PLEC: variants seen among roughly 807,000 people sequenced by gnomAD.
The protein encoded by PLEC is plectin.
Under a neutral mutation model 392.8 loss-of-function variants are expected in PLEC, and 216 were observed. That is an observed-to-expected ratio of 0.55 (90% CI 0.49 to 0.62). The LOEUF is 0.62. PLEC is among the 20% of genes least tolerant of loss of function. The probability of loss-of-function intolerance (pLI) is 0.00; values close to 1 mark genes in which losing one functional copy is unlikely to be tolerated. For missense variants in PLEC, 6,863 were observed against 6,563.4 expected (o/e 1.05, Z -1.58); for synonymous variants, 3,621 against 2,980.6 (o/e 1.21, Z -7.00).
chr8:143,933,487 C>G (rs553171087), intron 12 of PLEC, 136 bp from the exon 13 acceptor site: 2 of 1,025,968 alleles, frequency 1.9e-6, no homozygotes, highest in African/African-American at 1.6e-5. Flanking sequence ...CTTCCCCTTC[C>G]CTCCCTGCCC....
At chr8:143,939,111 T>A (rs1355101649) in intron 1 of PLEC, among the ~76,000 whole-genome samples, 1 of 152,064 alleles carries the variant, frequency 6.6e-6, no homozygotes, top group East Asian at 1.9e-4. Context: ...CAGCGAACCT[T>A]CCCCAGAGCG....
In PLEC at chr8:143,917,012, CAGG is replaced by C. The variant is rs1554670619; in HGVS notation, c.12806_12808del (p.Ser4269del). The C allele has an allele frequency of 3.1e-6, 5 of 1,612,620 alleles. No individual in the cohort carries two copies. The highest frequency in any genetic ancestry group is 2.2e-5 in the East Asian group (1 of 44,866). On this transcript the variant is annotated inframe_deletion, in exon 32 of 32. Coordinates refer to ENST00000345136, the MANE Select transcript of PLEC (RefSeq NM_201384.3). Reference sequence around the variant, plus strand: ...GCCCGTCTCCTCAGTGGGGTCTGACCAGGAGGCCAGCTGGGTCCTGGAGACGGC... The same window carrying C: ...GCCCGTCTCCTCAGTGGGGTCTGACCAGGCCAGCTGGGTCCTGGAGACGGC...
intron 1 of PLEC, among the ~76,000 whole-genome samples, chr8:143,949,694 T>C (rs1378627971): frequency 6.6e-6 from 1 of 152,130 alleles, no homozygotes; most frequent in Non-Finnish European, 1.5e-5. Context: ...AGCACTCAGT[T>C]ACCGGTCACA....
chr8:143,931,281 TTGGCTGACCTCTA>T (rs1827167293), intron 19 of PLEC, among the ~76,000 whole-genome samples: 1 of 107,988 alleles, frequency 9.3e-6, no homozygotes, highest in Non-Finnish European at 2.4e-5. Context: ...CATTCCCCCC[TTGGCTGACCTCTA>T]CACCTCCCAT....
chr8:143,968,805 C>T (rs1027058884), intron 1 of PLEC, among the ~76,000 whole-genome samples: 4 of 152,152 alleles, frequency 2.6e-5, no homozygotes, highest in Admixed American at 6.5e-5. Flanking sequence ...AGATTCCACT[C>T]GACACCCACT....
In PLEC at chr8:143,918,365, G is replaced by T; in HGVS notation, c.11456C>A (p.Pro3819His). The T allele has an allele frequency of 1.3e-6, 2 of 1,571,728 alleles. No individual in the cohort carries two copies. Among genetic ancestry groups the T allele is most frequent in the Non-Finnish European group, 1.7e-6 (2 of 1,165,184 alleles). Residue 3819 changes from proline to histidine, a missense_variant, in exon 32 of 32, where the codon CCC becomes CAC. Pro to His is a moderately conservative substitution (Grantham distance 77). Transcript: ENST00000345136. The stretch of plus-strand genomic sequence containing the variant: ...GCCACGCTGGTAAGCCACCTCCAGG[G>T]GAAGGTGGAAGCCCAGGCGGGGGTC... ...IVDPRLGFHL[P>H]LEVAYQRGYL... is the part of the protein sequence containing the mutation.
At chr8:143,948,547 G>A (rs1346349385) in intron 1 of PLEC, among the ~76,000 whole-genome samples, 3 of 152,220 alleles carry the variant, frequency 2.0e-5, no homozygotes, top group African/African-American at 7.2e-5. Context: ...GGCAGAGAGG[G>A]GTTTGAGCCT....
chr8:143,923,846 G>A lies in PLEC; in HGVS notation c.6083C>T (p.Ala2028Val), dbSNP rs781895825. The change falls in exon 31 of 32, where the codon GCG (alanine) becomes GTG (valine). Residue 2028 changes from alanine to valine, a missense_variant. Ala to Val is a moderately conservative substitution (Grantham distance 64). Transcript: ENST00000345136. Reference protein sequence around the residue: ...VEEARRLRERAEQESARQLQL... With the variant: ...VEEARRLRERVEQESARQLQL... ...CAGCTGCCGCGCCGACTCCTGCTCC[G>A]CTCGCTCCCGCAGGCGCCGCGCCTC... 53 of 1,588,358 alleles carry A rather than the reference G, an allele frequency of 3.3e-5. No homozygotes were observed. Among genetic ancestry groups the A allele is most frequent in the Admixed American group, 5.1e-5 (3 of 59,030 alleles).
intron 1 of PLEC, 118 bp downstream of exon 1, chr8:143,939,232 C>T: frequency 7.3e-7 from 1 of 1,370,318 alleles, no homozygotes; most frequent in Non-Finnish European, 1.0e-6. Flanking sequence ...GGCCCCCGAC[C>T]CCCATCTCCA....
chr8:143,921,091 C>A lies in PLEC; in HGVS notation c.8730G>T (p.Val2910=). 6.2e-7 allele frequency: 1 copy of A among 1,612,094 alleles called. No individual in the cohort carries two copies. Among genetic ancestry groups the A allele is most frequent in the Non-Finnish European group, 8.5e-7 (1 of 1,180,034 alleles). The change falls in exon 32 of 32, where the codon GTG becomes GTT. Residue 2910 remains valine, a synonymous_variant. Coordinates refer to ENST00000345136, the MANE Select transcript of PLEC (RefSeq NM_201384.3). ...CCTGGAACTTGCCGAACGGCGCAGA[C>A]ACGGTGGCCTTCTCAAAGACGTCCC... ...EARDVFEKAT[V]SAPFGKFQGK... is the part of the protein sequence containing the mutation.
rs781917029 is a variant in PLEC at position 143,916,225 on chromosome 8, G to A, written c.13596C>T (p.Ala4532=). The change falls in exon 32 of 32, where the codon GCC becomes GCT. Residue 4532 remains alanine (A), a synonymous_variant. Transcript: ENST00000345136. ...YSSSGYGRRY[A]SGSSASLGGP... ...CCCCCAGGGAGGCCGAGGACCCCGAGGCGTAGCGGCGGCCGTAGCCCGAGG... is the reference window on the plus strand; with the variant it reads ...CCCCCAGGGAGGCCGAGGACCCCGAAGCGTAGCGGCGGCCGTAGCCCGAGG... 2.7e-5 allele frequency: 41 copies of A among 1,546,546 alleles called. No homozygotes were observed. In the Middle Eastern group the frequency reaches 1.0e-3, roughly 39 times the overall value.
rs782159377 is a variant in PLEC at position 143,934,093 on chromosome 8, T to TGCAGCA, written c.1170-8_1170-3dup. 1 of 1,611,150 alleles carries TGCAGCA rather than the reference T, an allele frequency of 6.2e-7. No individual in the cohort carries two copies. Among genetic ancestry groups the TGCAGCA allele is most frequent in the East Asian group, 2.2e-5 (1 of 44,742 alleles). On this transcript the variant is annotated splice_region_variant and splice_polypyrimidine_tract_variant and intron_variant, in intron 11 of 31. Transcript: ENST00000345136. ...ACGATGCGCTGAAGACACTCCAGCC[T>TGCAGCA]GCAGCAGCAGCACAGGGAAGGGGCC...
At position 143,932,989 on chromosome 8, in the gene PLEC, C is replaced by T. The variant is rs781887816; in HGVS notation, c.1541G>A (p.Arg514His). 1.4e-5 allele frequency: 23 copies of T among 1,610,260 alleles called. No homozygotes were observed. Among genetic ancestry groups the T allele is most frequent in the Middle Eastern group, 1.7e-4 (1 of 5,950 alleles). ...AQVTLQSVQR[R>H]PELEDSTLRY... ...CAGAGTGGAGTCCTCCAGCTCGGGG[C>T]GCCTCTGCACACTCTGCAGAGTCAC... Residue 514 changes from arginine (R) to histidine (H), a missense_variant, in exon 14 of 32, where the codon CGC becomes CAC. By Grantham distance (29) the Arg-to-His change is conservative. Transcript: ENST00000345136.
At chr8:143,945,478 T>C (rs1227619196) in intron 1 of PLEC, among the ~76,000 whole-genome samples, 2 of 152,112 alleles carry the variant, frequency 1.3e-5, no homozygotes, top group Admixed American at 1.3e-4. Flanking sequence ...ACACGCACAG[T>C]CCTGCTCCTC....
At position 143,920,389 on chromosome 8, in the gene PLEC, C is replaced by T. The variant is rs1235460294; in HGVS notation, c.9432G>A (p.Val3144=). Residue 3144 remains valine (V), a synonymous_variant, in exon 32 of 32, where the codon GTG becomes GTA. Coordinates refer to ENST00000345136, the MANE Select transcript of PLEC (RefSeq NM_201384.3). ...GCACGCGGTGGCTCTTGCTGGGGTC[C>T]ACGATGCCGCCCGTGGACAGCTGGG... is the stretch of plus-strand genomic sequence containing the variant. ...LDAQLSTGGI[V]DPSKSHRVPL... The T allele has an allele frequency of 1.3e-6, 2 of 1,590,842 alleles. No individual in the cohort carries two copies. Among genetic ancestry groups the T allele is most frequent in the African/African-American group, 1.3e-5 (1 of 74,430 alleles).
At chr8:143,954,726 G>A (rs1208413416), upstream of PLEC, among the ~76,000 whole-genome samples, 3 of 152,178 alleles carry the variant, frequency 2.0e-5, no homozygotes, top group Admixed American at 6.5e-5. This position sits in a 1 kb window ranked among gnomAD's most constrained non-coding sequence, Gnocchi z 4.6. Context: ...TGCGCTGCAG[G>A]GGGCACGGAG....
At chr8:143,937,920 G>A (rs1036155799) in intron 3 of PLEC, 8 of 632,078 alleles carry the variant, frequency 1.3e-5, no homozygotes, top group South Asian at 3.4e-5. Flanking sequence ...CAGAGCAGCC[G>A]AGGTCCGAGG....
Position 143,921,320 on chromosome 8 carries a change from T to C in PLEC, c.8501A>G (p.Tyr2834Cys). 1 of 1,613,932 alleles carries C rather than the reference T, an allele frequency of 6.2e-7. No individual in the cohort carries two copies. The highest frequency in any genetic ancestry group is 2.2e-5 in the East Asian group (1 of 44,882). Residue 2834 changes from tyrosine to cysteine, a missense_variant, in exon 32 of 32, where the codon TAC becomes TGC. Physicochemically the swap from Tyr to Cys is radical, Grantham distance 194. Transcript: ENST00000345136. Reference sequence around the variant, plus strand: ...GACGCGGTTCATCTCCTCGTCGAAGTAGCCGCGCCGGTAGGCCACGTCCAC... The same window carrying C: ...GACGCGGTTCATCTCCTCGTCGAAGCAGCCGCGCCGGTAGGCCACGTCCAC... ...VPVDVAYRRG[Y>C]FDEEMNRVLA...
rs377358791 is a variant in PLEC, at chr8:143,932,149, G to T, written c.2063C>A (p.Pro688Gln). 4.3e-6 allele frequency: 7 copies of T among 1,611,338 alleles called. No individual in the cohort carries two copies. Among genetic ancestry groups the T allele is most frequent in the South Asian group, 1.1e-5 (1 of 91,042 alleles). The change falls in exon 17 of 32, where the codon CCG (proline) becomes CAG (glutamine). Residue 688 changes from proline (P) to glutamine (Q), a missense_variant. By Grantham distance (76) the Pro-to-Gln change is moderately conservative (BLOSUM62 -1). Transcript: ENST00000345136. Reference protein sequence around the residue: ...AGDRLLREDHPARPTVESFQA... With the variant: ...AGDRLLREDHQARPTVESFQA... The stretch of plus-strand genomic sequence containing the variant: ...CCCCACCTCCACCGTGGGCCGGGCC[G>T]GGTGGTCCTCCCGCAGCAGCCGGTC...
Sources: allele counts gnomAD v4.1 joint callset (sites outside exome capture counted in the v4.1 genomes callset), GRCh38; gene constraint gnomAD v4.1.1; non-coding constraint Gnocchi (gnomAD v3.1); transcripts MANE v1.5; gene names NCBI Gene and HGNC (gene_info 2026-07-23, HGNC 2026-07-21).